COL5A1: variants seen among roughly 807,000 people sequenced by gnomAD.
COL5A1 encodes the protein collagen alpha-1(V) chain.
In COL5A1, 16 loss-of-function variants were observed where a neutral mutation model predicts 263.7. The observed-to-expected ratio is 0.06, with a 90% CI of 0.04 to 0.09. The LOEUF (loss-of-function observed/expected upper bound fraction) is 0.09, where lower values mean the gene tolerates loss of function less well. Ranked by LOEUF, COL5A1 falls within the 10% of genes least tolerant of loss-of-function variation. The probability of loss-of-function intolerance (pLI) is 1.00; values close to 1 mark genes in which losing one functional copy is unlikely to be tolerated. For missense variants in COL5A1, 2,036 were observed against 2,540.5 expected (o/e 0.80, Z 4.27); for synonymous variants, 1,012 against 1,004.5 (o/e 1.01, Z -0.14).
intron 11 of COL5A1, among the ~76,000 whole-genome samples, chr9:134,744,710 C>G (rs1050037592): frequency 6.6e-6 from 1 of 150,828 alleles, no homozygotes; most frequent in East Asian, 1.9e-4. Flanking sequence ...CATACATGCT[C>G]TCACACAGTT....
chr9:134,708,778 C>A lies in COL5A1; in HGVS notation c.654+7445C>A, dbSNP rs768436106. On this transcript the variant is annotated intron_variant, in intron 4 of 65. Coordinates refer to ENST00000371817, the MANE Select transcript of COL5A1 (RefSeq NM_000093.5). ...CCAACTGTCACAGCCCGGTGGCAAA[C>A]AGCAGAGATTTATCCTCTCCCAGCT... 20 of 460,996 alleles carry A rather than the reference C, an allele frequency of 4.3e-5. No individual in the cohort carries two copies. The East Asian group carries it at 1.2e-3, about 28-fold the overall frequency. The allele number at this position is 460,996 out of a possible 1,614,324, so 28.6% of individuals were successfully genotyped here.
chr9:134,675,044 G>A lies in COL5A1; in HGVS notation c.110-15868G>A, dbSNP rs531369703. 3.1e-3 allele frequency among the ~76,000 whole-genome samples: 470 copies of A among 152,222 alleles called. 2 individuals are homozygous for A. Among genetic ancestry groups the A allele is most frequent in the African/African-American group, 0.011 (457 of 41,540 alleles). On this transcript the variant is annotated intron_variant, in intron 1 of 65. Transcript: ENST00000371817. ...AATGGTAATATTAATGTAACATTAAGGCACAGATGAGTGGCTATGGTATTC... is the reference window on the plus strand; with the variant it reads ...AATGGTAATATTAATGTAACATTAAAGCACAGATGAGTGGCTATGGTATTC...
chr9:134,713,994 G>A (rs1834157703), intron 4 of COL5A1, among the ~76,000 whole-genome samples: 3 of 152,160 alleles, frequency 2.0e-5, no homozygotes, highest in South Asian at 2.1e-4. Context: ...AACCTTCTCC[G>A]TGACGCTCTC....
chr9:134,667,039 T>C (rs1418530215), intron 1 of COL5A1, among the ~76,000 whole-genome samples: 1 of 152,198 alleles, frequency 6.6e-6, no homozygotes, highest in East Asian at 1.9e-4. Flanking sequence ...CTAGACATTA[T>C]GTTTCAGTCA....
chr9:134,660,098 C>T (rs904437029), intron 1 of COL5A1, among the ~76,000 whole-genome samples: 3 of 152,158 alleles, frequency 2.0e-5, no homozygotes, highest in Non-Finnish European at 2.9e-5. Flanking sequence ...ACCTGGGCCA[C>T]GATCCACATC....
intron 1 of COL5A1, among the ~76,000 whole-genome samples, chr9:134,656,322 G>A (rs2132486718): frequency 6.6e-6 from 1 of 152,340 alleles, no homozygotes. Context: ...CCTATCACCA[G>A]CTCACAGTCA....
At chr9:134,710,937 TGGTGGGG>T (rs1834019987) in intron 4 of COL5A1, among the ~76,000 whole-genome samples, 1 of 88,132 alleles carries the variant, frequency 1.1e-5, no homozygotes, top group East Asian at 3.6e-4. Flanking sequence ...TTGGGTGCAG[TGGTGGGG>T]GAGGGGCCCC....
chr9:134,809,124 G>C, intron 42 of COL5A1, 59 bp from the exon 43 acceptor site: 1 of 1,383,116 alleles, frequency 7.2e-7, no homozygotes, highest in African/African-American at 1.4e-5. Flanking sequence ...TAATGAGCTG[G>C]TGGGGGGATG....
chr9:134,647,104 G>A lies in COL5A1; in HGVS notation c.109+4808G>A, dbSNP rs1831500288. Among the ~76,000 whole-genome samples the A allele has an allele frequency of 6.6e-6, 1 of 152,182 alleles. No individual in the cohort carries two copies. Among genetic ancestry groups the A allele is most frequent in the African/African-American group, 2.4e-5 (1 of 41,444 alleles). Reference sequence around the variant, plus strand: ...TGGTTTTGCAGGAGGAAAGAGCAGTGTTCCCACAGCCCTCTTTAGCTCCCA... The same window carrying A: ...TGGTTTTGCAGGAGGAAAGAGCAGTATTCCCACAGCCCTCTTTAGCTCCCA... On this transcript the variant is annotated intron_variant, in intron 1 of 65. Transcript: ENST00000371817. This position sits in a 1 kb window ranked among gnomAD's most constrained non-coding sequence, Gnocchi z 5.0.
At chr9:134,645,228 ACCC>A (rs1435566694) in intron 1 of COL5A1, among the ~76,000 whole-genome samples, 1 of 151,716 alleles carries the variant, frequency 6.6e-6, no homozygotes, top group East Asian at 1.9e-4. Context: ...CCTGCTCTTC[ACCC>A]CGCCCTGCAG....
chr9:134,701,360 G>A, intron 4 of COL5A1, 27 bp downstream of exon 4: 1 of 1,609,070 alleles, frequency 6.2e-7, no homozygotes, highest in Non-Finnish European at 8.5e-7. Flanking sequence ...ACCAACCCCT[G>A]TGCCCACCAG....
chr9:134,663,238 G>A (rs561735461), intron 1 of COL5A1, among the ~76,000 whole-genome samples: 1 of 152,382 alleles, frequency 6.6e-6, no homozygotes, highest in African/African-American at 2.4e-5. Flanking sequence ...GGCTGGCCCT[G>A]AGGCTTTGAA....
Position 134,805,035 on chromosome 9 carries a change from C to T in COL5A1, c.3175C>T (p.Pro1059Ser). 1 of 1,613,956 alleles carries T rather than the reference C, an allele frequency of 6.2e-7. No individual in the cohort carries two copies. Among genetic ancestry groups the T allele is most frequent in the South Asian group, 1.1e-5 (1 of 91,084 alleles). Residue 1059 changes from proline (P) to serine (S), a missense_variant, in exon 40 of 66, where the codon CCT becomes TCT. Transcript: ENST00000371817. ...TGGCCCTCCAGGATTACGTGGTTTC[C>T]CTGGGGACCGAGGGCTTCCTGGTCC... ...KDGPPGLRGF[P>S]GDRGLPGPVG... is the part of the protein sequence containing the mutation.
chr9:134,820,498 C>T (rs558585934), intron 58 of COL5A1, among the ~76,000 whole-genome samples: 73 of 152,250 alleles, frequency 4.8e-4, no homozygotes, highest in Non-Finnish European at 5.6e-4. Context: ...TGGAGGGACT[C>T]GGAAGTCAGG....
At chr9:134,776,503 A>C (rs1214425310) in intron 27 of COL5A1, among the ~76,000 whole-genome samples, 5 of 152,234 alleles carry the variant, frequency 3.3e-5, no homozygotes. Flanking sequence ...AATTATTTTC[A>C]TCGGGGAAAA....
chr9:134,657,625 T>C (rs1832058223), intron 1 of COL5A1, among the ~76,000 whole-genome samples: 1 of 50,356 alleles, frequency 2.0e-5, no homozygotes, highest in African/African-American at 9.3e-5. Flanking sequence ...TTATAGATAA[T>C]ATGGGGGGTG....
At position 134,796,829 on chromosome 9, in the gene COL5A1, G is replaced by T. The variant is rs752713254; in HGVS notation, c.2845-19G>T. The T allele has an allele frequency of 2.5e-6, 4 of 1,613,610 alleles. No homozygotes were observed. The highest frequency in any genetic ancestry group is 3.4e-6 in the Non-Finnish European group (4 of 1,179,448). On this transcript the variant is annotated intron_variant, in intron 35 of 65. Transcript: ENST00000371817. ...GGGAGAGACCTCTTGTCCTCAAACT[G>T]GCCTTTCTCTGTTCCCAGGGACCCA...
At chr9:134,694,376 G>A (rs1329021118) in intron 2 of COL5A1, among the ~76,000 whole-genome samples, 1 of 152,214 alleles carries the variant, frequency 6.6e-6, no homozygotes, top group African/African-American at 2.4e-5. Context: ...TCCCCCACTG[G>A]GCACGAACTG....
At chr9:134,717,549 G>A (rs1351201605) in intron 4 of COL5A1, among the ~76,000 whole-genome samples, 1 of 152,184 alleles carries the variant, frequency 6.6e-6, no homozygotes, top group Non-Finnish European at 1.5e-5. Context: ...CCCGGCCTCC[G>A]TCCCTCCCAG....
Sources: gnomAD v4.1 joint callset for allele counts (sites outside exome capture counted in the v4.1 genomes callset) on GRCh38, gnomAD v4.1.1 for gene constraint, Gnocchi (gnomAD v3.1) non-coding constraint, MANE v1.5 for transcripts, NCBI Gene and HGNC (gene_info 2026-07-23, HGNC 2026-07-21) for gene names.